The following BACH2 variants were observed in gnomAD, a reference collection of about 807,000 sequenced individuals.
BACH2 encodes transcription regulator protein BACH2.
In BACH2, 5 loss-of-function variants were observed where a neutral mutation model predicts 61.8. The ratio of observed to expected loss-of-function variants is 0.08; its 90% CI spans 0.04 to 0.17. BACH2 has a LOEUF of 0.17. Among genes scored for constraint, BACH2 ranks in the 10% least tolerant of loss-of-function variants. The pLI is 1.00. For missense variants in BACH2, 824 were observed against 1,091.1 expected, an observed-to-expected ratio of 0.76 and a Z score of 3.45; for synonymous variants, 446 against 440.1, an observed-to-expected ratio of 1.01 and a Z score of -0.17.
At chr6:90,146,763 A>G (rs1175158321) in intron 4 of BACH2, among the ~76,000 whole-genome samples, 10 of 152,346 alleles carry the variant, frequency 6.6e-5, no homozygotes, top group African/African-American at 2.2e-4. Flanking sequence ...AGATTTACTA[A>G]AAGATAGGAT....
chr6:89,966,547 G>A (rs1052919120), intron 6 of BACH2, among the ~76,000 whole-genome samples: 11 of 152,192 alleles, frequency 7.2e-5, no homozygotes, highest in South Asian at 2.1e-4. Flanking sequence ...CAACACCCAC[G>A]CCCCTGAATA....
intron 6 of BACH2, among the ~76,000 whole-genome samples, chr6:89,990,825 A>T (rs1001536769): frequency 6.6e-6 from 1 of 152,180 alleles, no homozygotes; most frequent in Non-Finnish European, 1.5e-5. Context: ...CCTAATTGGG[A>T]TATAAGCTCT....
At chr6:90,161,953 T>C (rs1355794628) in intron 4 of BACH2, among the ~76,000 whole-genome samples, 3 of 152,160 alleles carry the variant, frequency 2.0e-5, no homozygotes, top group African/African-American at 7.2e-5. Context: ...TTCATGGCTA[T>C]TAGTACTCTG....
intron 5 of BACH2, among the ~76,000 whole-genome samples, chr6:90,041,081 C>G (rs926281455): frequency 9.2e-5 from 14 of 152,282 alleles, no homozygotes; most frequent in African/African-American, 3.1e-4. Context: ...TTGTACTGCA[C>G]AGGCTAAGTA....
intron 5 of BACH2, among the ~76,000 whole-genome samples, chr6:90,080,425 C>G (rs1477568927): frequency 6.6e-6 from 1 of 152,108 alleles, no homozygotes; most frequent in African/African-American, 2.4e-5. Flanking sequence ...TTAATTCACA[C>G]ATGGTTATCA....
At chr6:90,155,080 A>T (rs1479530717) in intron 4 of BACH2, among the ~76,000 whole-genome samples, 1 of 152,234 alleles carries the variant, frequency 6.6e-6, no homozygotes, top group Non-Finnish European at 1.5e-5. Flanking sequence ...TCTGTAATTT[A>T]TATGGATATA....
At chr6:90,017,725 T>C (rs576043608) in intron 5 of BACH2, among the ~76,000 whole-genome samples, 16 of 152,348 alleles carry the variant, frequency 1.1e-4, no homozygotes, top group African/African-American at 3.8e-4. Context: ...TTTTGAACAC[T>C]TGGAATATAG....
chr6:90,030,817 C>A (rs546270257), intron 5 of BACH2, among the ~76,000 whole-genome samples: 22 of 151,924 alleles, frequency 1.4e-4, no homozygotes, highest in African/African-American at 5.3e-4. Context: ...CTATTCCAAT[C>A]AATAGAAAAA....
At chr6:90,016,770 G>C (rs149172520) in intron 5 of BACH2, among the ~76,000 whole-genome samples, 1 of 151,100 alleles carries the variant, frequency 6.6e-6, no homozygotes, top group African/African-American at 2.4e-5. Context: ...ATTTTTGAAA[G>C]TTATCTTTGA....
chr6:90,066,550 G>T (rs1780975630), intron 5 of BACH2, among the ~76,000 whole-genome samples: 1 of 152,210 alleles, frequency 6.6e-6, no homozygotes, highest in South Asian at 2.1e-4. Flanking sequence ...ACTAGCCTGG[G>T]AGATGGTGGG....
intron 1 of BACH2, among the ~76,000 whole-genome samples, chr6:90,289,847 C>T (rs1193616134): frequency 6.6e-6 from 1 of 152,166 alleles, no homozygotes; most frequent in East Asian, 1.9e-4. Flanking sequence ...CACTTTTTCA[C>T]CAAAGGCCCT....
chr6:90,001,141 T>C (rs1777112513), intron 6 of BACH2: 1 of 152,280 alleles, frequency 6.6e-6, no homozygotes. Flanking sequence ...CATCCTCTGT[T>C]GCATACTGAA....
At chr6:90,165,280 A>T (rs1163118601) in intron 4 of BACH2, among the ~76,000 whole-genome samples, 1 of 152,170 alleles carries the variant, frequency 6.6e-6, no homozygotes, top group African/African-American at 2.4e-5. Context: ...ACAGACAAAC[A>T]GCCAAATCAT....
intron 5 of BACH2, among the ~76,000 whole-genome samples, chr6:90,033,535 C>T (rs905351508): frequency 6.6e-6 from 1 of 152,054 alleles, no homozygotes; most frequent in African/African-American, 2.4e-5. Context: ...ACAAACCACT[C>T]ATGATCTTCC....
chr6:89,944,235 A>AC (rs1456884572), intron 7 of BACH2, among the ~76,000 whole-genome samples: 1 of 152,238 alleles, frequency 6.6e-6, no homozygotes, highest in Non-Finnish European at 1.5e-5. Flanking sequence ...CGCCTGCCCT[A>AC]CTTAGCTTAC....
chr6:89,991,857 A>G (rs1179330667), intron 6 of BACH2, among the ~76,000 whole-genome samples: 1 of 152,172 alleles, frequency 6.6e-6, no homozygotes, highest in African/African-American at 2.4e-5. Context: ...CAGTTGTCTT[A>G]AAGAATGTTC....
At chr6:90,062,759 T>A (rs371739469) in intron 5 of BACH2, 1 of 167,086 alleles carries the variant, frequency 6.0e-6, no homozygotes, top group East Asian at 3.3e-4. Flanking sequence ...TCTCTCCAAC[T>A]GTTTTTTTTT....
chr6:90,102,823 AT>A (rs1160741802), intron 4 of BACH2, among the ~76,000 whole-genome samples: 32 of 138,684 alleles, frequency 2.3e-4, no homozygotes, highest in African/African-American at 7.2e-4. Flanking sequence ...AATAATAATA[AT>A]AATAATAATA....
intron 1 of BACH2, among the ~76,000 whole-genome samples, chr6:90,274,186 T>A (rs1453880211): frequency 1.3e-5 from 2 of 152,196 alleles, no homozygotes; most frequent in Non-Finnish European, 2.9e-5. Context: ...ATAAAATGCA[T>A]TTTGACACAC....
Sources: allele counts gnomAD v4.1 joint callset (sites outside exome capture counted in the v4.1 genomes callset), GRCh38; gene constraint gnomAD v4.1.1; transcripts MANE v1.5; gene names NCBI Gene and HGNC (gene_info 2026-07-23, HGNC 2026-07-21).